The following USP24 variants were observed in gnomAD, a reference collection of about 807,000 sequenced individuals.
USP24 encodes ubiquitin specific peptidase 24, also known as ubiquitin carboxyl-terminal hydrolase 24.
A neutral mutation model predicts 361.6 loss-of-function variants in USP24; 97 were observed. The observed-to-expected ratio is 0.27, with a 90% confidence interval of 0.23 to 0.32. The LOEUF is 0.32. USP24 is among the 10% of genes least tolerant of loss of function. USP24 has a pLI of 1.00. For missense variants in USP24, 2,353 were observed against 3,165.6 expected, an observed-to-expected ratio of 0.74 and a Z score of 6.16; for synonymous variants, 1,098 against 1,124.6, an observed-to-expected ratio of 0.98 and a Z score of 0.47.
intron 1 of USP24, among the ~76,000 whole-genome samples, chr1:55,207,281 GAAAA>G (rs71822893): frequency 1.5e-5 from 2 of 133,166 alleles, no homozygotes. Flanking sequence ...ATGGAAAGGG[GAAAA>G]AAAAAAAAAA....
intron 51 of USP24, among the ~76,000 whole-genome samples, chr1:55,094,649 G>A (rs1207417486): frequency 7.0e-6 from 1 of 143,534 alleles, no homozygotes; most frequent in East Asian, 2.1e-4. Flanking sequence ...TGTTGGCATA[G>A]CATTATGCTT....
intron 22 of USP24, 25 bp downstream of exon 22, chr1:55,142,953 GA>G: frequency 6.8e-7 from 1 of 1,480,292 alleles, no homozygotes; most frequent in Non-Finnish European, 9.1e-7. Context: ...TTTGTATATG[GA>G]TAACTTCTTT....
At position 55,066,995 on chromosome 1, in the gene USP24, G is replaced by A. The variant is rs1644835152; in HGVS notation, c.*2050C>T. The A allele has an allele frequency of 1.3e-5, 2 of 152,152 alleles. No homozygotes were observed. The highest frequency in any genetic ancestry group is 4.8e-5 in the African/African-American group (2 of 41,436). The allele number at this position is 152,152 out of a possible 1,614,324, so 9.4% of individuals were successfully genotyped here. A position where few individuals can be genotyped will look rare whatever the true frequency, so the allele number is the denominator to read the frequency against. Reference sequence around the variant, plus strand: ...AAGTGGTTACCAGCAAAGTGAAAACGATGGTCATTGCAGCAACAATATAAG... The same window carrying A: ...AAGTGGTTACCAGCAAAGTGAAAACAATGGTCATTGCAGCAACAATATAAG... On this transcript the variant is annotated 3_prime_UTR_variant, in exon 68 of 68. Transcript: ENST00000294383.
At chr1:55,208,326 T>G (rs1326435801) in intron 1 of USP24, among the ~76,000 whole-genome samples, 1 of 152,170 alleles carries the variant, frequency 6.6e-6, no homozygotes, top group Non-Finnish European at 1.5e-5. Flanking sequence ...ACAGAGATTA[T>G]CGACAGAAAC....
At chr1:55,095,549 G>T (rs1239201973) in intron 50 of USP24, among the ~76,000 whole-genome samples, 153 bp from the exon 51 acceptor site, 3 of 152,204 alleles carry the variant, frequency 2.0e-5, no homozygotes, top group Admixed American at 2.0e-4. Context: ...TGTCTTTAGA[G>T]TACTGCTTAG....
At chr1:55,161,309 T>C (rs1236893918) in intron 8 of USP24, among the ~76,000 whole-genome samples, 4 of 149,204 alleles carry the variant, frequency 2.7e-5, no homozygotes, top group Non-Finnish European at 6.0e-5. Context: ...GAGACAGAGG[T>C]TGCAGTGAGC....
chr1:55,142,754 G>A lies in USP24; in HGVS notation c.2622C>T (p.Tyr874=). 1 of 1,549,220 alleles carries A rather than the reference G, an allele frequency of 6.5e-7. No homozygotes were observed. The highest frequency in any genetic ancestry group is 1.4e-5 in the African/African-American group (1 of 72,936). ...ATTTGCTACTCACTTCTAATCTTGTGTAGCAATCAGCAATGAATTTCTTAT... is the reference window on the plus strand; with the variant it reads ...ATTTGCTACTCACTTCTAATCTTGTATAGCAATCAGCAATGAATTTCTTAT... The part of the protein sequence containing the change: ...SLHKKFIADC[Y]TRLEAASSAL... Residue 874 remains tyrosine, a synonymous_variant, in exon 23 of 68, where the codon TAC becomes TAT. Transcript: ENST00000294383.
At chr1:55,096,904 G>C (rs1298743692) in intron 49 of USP24, 48 bp downstream of exon 49, 3 of 1,576,504 alleles carry the variant, frequency 1.9e-6, no homozygotes, top group Non-Finnish European at 2.6e-6. Context: ...ATAACGGAGA[G>C]CAGGGGAGGG....
At position 55,125,486 on chromosome 1, in the gene USP24, A is replaced by G; in HGVS notation, c.3794T>C (p.Ile1265Thr). The change falls in exon 34 of 68, where the codon ATA becomes ACA. Residue 1265 changes from isoleucine (I) to threonine (T), a missense_variant. Physicochemically the swap from Ile to Thr is moderately conservative, Grantham distance 89. Transcript: ENST00000294383. The stretch of plus-strand genomic sequence containing the variant: ...GAATGGGCGGGAAGAAAGTGCTTCT[A>G]TACCATCTTTGGTGAGGTCTTCATC... ...LLDEDLTKDGIEALSSRPFRN... is the reference protein window; with the variant it reads ...LLDEDLTKDGTEALSSRPFRN... 1 of 1,614,002 alleles carries G rather than the reference A, an allele frequency of 6.2e-7. No homozygotes were observed. Among genetic ancestry groups the G allele is most frequent in the Non-Finnish European group, 8.5e-7 (1 of 1,179,876 alleles).
chr1:55,146,235 A>C, intron 19 of USP24, 126 bp from the exon 20 acceptor site: 1 of 559,484 alleles, frequency 1.8e-6, no homozygotes, highest in East Asian at 3.1e-5. Context: ...TACCACTCAA[A>C]GCTAAAATGC....
At chr1:55,077,348 G>A (rs1189754576) in intron 61 of USP24, 48 bp from the exon 62 acceptor site, 1 of 1,497,374 alleles carries the variant, frequency 6.7e-7, no homozygotes, top group Non-Finnish European at 9.1e-7. Flanking sequence ...AAGCATATTG[G>A]AATGGCAATT....
chr1:55,193,454 A>G (rs1007565895), intron 1 of USP24, among the ~76,000 whole-genome samples: 19 of 152,138 alleles, frequency 1.2e-4, no homozygotes, highest in African/African-American at 4.6e-4. Flanking sequence ...ATAGAGGGTA[A>G]CCTTCATTTA....
At chr1:55,157,703 G>T (rs970793377) in intron 10 of USP24, among the ~76,000 whole-genome samples, 2 of 151,854 alleles carry the variant, frequency 1.3e-5, no homozygotes, top group Non-Finnish European at 2.9e-5. Flanking sequence ...GCGTAGTCGT[G>T]GGCGCCTGTA....
Position 55,119,285 on chromosome 1 carries a change from G to C in USP24, c.4508+1311C>G, listed in dbSNP as rs576748718. 1.4e-4 allele frequency among the ~76,000 whole-genome samples: 21 copies of C among 152,262 alleles called. No individual in the cohort carries two copies. In the South Asian group the frequency reaches 4.4e-3, roughly 32 times the overall value. The stretch of plus-strand genomic sequence containing the variant: ...ATGCTACAACATGAATAAACCTTAA[G>C]GACATTATGCTAAGTGAAATAAGCC... On this transcript the variant is annotated intron_variant, in intron 38 of 67. Transcript: ENST00000294383.
intron 24 of USP24, among the ~76,000 whole-genome samples, chr1:55,139,446 A>C (rs977483543): frequency 6.6e-6 from 1 of 152,212 alleles, no homozygotes; most frequent in Non-Finnish European, 1.5e-5. Flanking sequence ...GACAAATGCA[A>C]ATCAGTAAGT....
In USP24 at chr1:55,067,683, T is replaced by C. The variant is rs1023232814; in HGVS notation, c.*1362A>G. Reference sequence around the variant, plus strand: ...CTTGGCAAATCTGACAGTGAAAACCTGGCACTTCCTAAGGCTCCCTAGTTC... The same window carrying C: ...CTTGGCAAATCTGACAGTGAAAACCCGGCACTTCCTAAGGCTCCCTAGTTC... On this transcript the variant is annotated 3_prime_UTR_variant, in exon 68 of 68. Transcript: ENST00000294383. 1.4e-4 allele frequency: 21 copies of C among 152,198 alleles called. No homozygotes were observed. The highest frequency in any genetic ancestry group is 1.2e-3 in the Admixed American group (18 of 15,288). 9.4% of individuals were successfully genotyped at this position (152,198 alleles called of 1,614,324 possible).
At chr1:55,115,820 T>C (rs1398271476) in intron 38 of USP24, among the ~76,000 whole-genome samples, 1 of 152,176 alleles carries the variant, frequency 6.6e-6, no homozygotes, top group East Asian at 1.9e-4. Flanking sequence ...ATATACACCA[T>C]GGAATACTAT....
intron 59 of USP24, among the ~76,000 whole-genome samples, chr1:55,080,526 G>A (rs930228455): frequency 3.9e-5 from 6 of 152,160 alleles, no homozygotes; most frequent in African/African-American, 1.2e-4. Context: ...TCCATAGACA[G>A]GATGAATACT....
chr1:55,178,249 A>G, intron 1 of USP24, 117 bp from the exon 2 acceptor site: 1 of 1,005,030 alleles, frequency 9.9e-7, no homozygotes, highest in Non-Finnish European at 1.5e-6. Context: ...TACCAATAGC[A>G]TGGATTCTAC....
Sources: allele counts gnomAD v4.1 joint callset (sites outside exome capture counted in the v4.1 genomes callset), GRCh38; gene constraint gnomAD v4.1.1; transcripts MANE v1.5; gene names NCBI Gene and HGNC (gene_info 2026-07-23, HGNC 2026-07-21).